Variants in RPS6KA6 observed in about 807,000 individuals in gnomAD.
The protein encoded by RPS6KA6 is ribosomal protein S6 kinase alpha-6.
In RPS6KA6, 27 loss-of-function variants were observed where a neutral mutation model predicts 65.4. The ratio of observed to expected loss-of-function variants is 0.41; its 90% confidence interval spans 0.30 to 0.57. The LOEUF (loss-of-function observed/expected upper bound fraction) is 0.57. Ranked by LOEUF, RPS6KA6 falls within the 20% of genes least tolerant of loss-of-function variation. RPS6KA6 has a pLI of 0.24. For missense variants in RPS6KA6, 486 were observed against 555.6 expected (o/e 0.87, Z 1.26); for synonymous variants, 190 against 184.2 (o/e 1.03, Z -0.26).
At chrX:84,088,350 T>C (rs930546003) in intron 20 of RPS6KA6, among the ~76,000 whole-genome samples, 39 of 112,427 alleles carry the variant, frequency 3.5e-4, no homozygotes, top group African/African-American at 1.2e-3. Flanking sequence ...TGTTTGTTGT[T>C]CTTTTAAAAG....
chrX:84,114,479 C>T (rs925396816), intron 12 of RPS6KA6, among the ~76,000 whole-genome samples: 19 of 110,403 alleles, frequency 1.7e-4, no homozygotes, highest in Admixed American at 4.8e-4. Flanking sequence ...CAGAGAGAGA[C>T]GCTGTCAAAA....
At chrX:84,109,044 T>C (rs2034418552) in intron 12 of RPS6KA6, among the ~76,000 whole-genome samples, 1 of 111,216 alleles carries the variant, frequency 9.0e-6, no homozygotes, top group African/African-American at 3.3e-5. Flanking sequence ...CCTCAATAGC[T>C]GCGCCCAACA....
chrX:84,135,367 C>G (rs771825746), intron 6 of RPS6KA6, among the ~76,000 whole-genome samples, 157 bp from the exon 7 acceptor site: 1 of 111,149 alleles, frequency 9.0e-6, no homozygotes, highest in Non-Finnish European at 1.9e-5. Flanking sequence ...ATTGGCAATA[C>G]CAGAGAAATA....
chrX:84,094,505 C>T (rs1301642269), intron 20 of RPS6KA6, among the ~76,000 whole-genome samples: 3 of 108,213 alleles, frequency 2.8e-5, no homozygotes, highest in African/African-American at 1.0e-4. Flanking sequence ...ATTAGCCAGG[C>T]GTGGTGGCGG....
chrX:84,128,918 C>G (rs1014597292), intron 8 of RPS6KA6, among the ~76,000 whole-genome samples: 1 of 111,765 alleles, frequency 8.9e-6, no homozygotes, highest in African/African-American at 3.3e-5. Flanking sequence ...ATAAACTTGC[C>G]AGCATATTGG....
chrX:84,183,893 T>C (rs776124487), intron 1 of RPS6KA6, among the ~76,000 whole-genome samples: 79 of 108,084 alleles, frequency 7.3e-4, no homozygotes, highest in Non-Finnish European at 1.4e-3. Context: ...CCTGTCTTAC[T>C]ACCTGAATGT....
At position 84,113,287 on chromosome X, in the gene RPS6KA6, T is replaced by A. The variant is rs1481818363; in HGVS notation, c.1008+2942A>T. Among the ~76,000 whole-genome samples the A allele has an allele frequency of 2.7e-5, 3 of 109,870 alleles. No individual in the cohort carries two copies. In the Admixed American group the frequency reaches 2.9e-4, roughly 11 times the overall value. ...AAAACTGTTCCCAAAAATTGAGGAGTTGGGAATCCTTCCTAATTAATTCTA... is the reference window on the plus strand; with the variant it reads ...AAAACTGTTCCCAAAAATTGAGGAGATGGGAATCCTTCCTAATTAATTCTA... On this transcript the variant is annotated intron_variant, in intron 12 of 21. Transcript: ENST00000262752.
chrX:84,179,136 G>A (rs954601157), intron 1 of RPS6KA6, among the ~76,000 whole-genome samples: 1 of 111,137 alleles, frequency 9.0e-6, no homozygotes, highest in African/African-American at 3.3e-5. Context: ...GAATATATAC[G>A]GATGGCAAAT....
At chrX:84,108,549 C>A (rs1221269686) in intron 12 of RPS6KA6, among the ~76,000 whole-genome samples, 2 of 111,535 alleles carry the variant, frequency 1.8e-5, no homozygotes, top group African/African-American at 6.5e-5. Context: ...TGGTGTGGAG[C>A]CAGGAGATCT....
intron 20 of RPS6KA6, among the ~76,000 whole-genome samples, chrX:84,081,977 A>G (rs2033810142): frequency 8.9e-6 from 1 of 112,283 alleles, no homozygotes; most frequent in South Asian, 3.7e-4. Context: ...TGAGGAACCC[A>G]TAGCCAATAT....
At chrX:84,187,367 G>A (rs2035940269) in intron 1 of RPS6KA6, 1 of 117,685 alleles carries the variant, frequency 8.5e-6, no homozygotes, top group African/African-American at 3.2e-5. Context: ...TAGTCACCTT[G>A]GTGTGTTTGT....
intron 20 of RPS6KA6, among the ~76,000 whole-genome samples, chrX:84,088,170 T>C (rs930602824): frequency 9.0e-6 from 1 of 111,180 alleles, no homozygotes; most frequent in Non-Finnish European, 1.9e-5. Flanking sequence ...AATTCAGCCA[T>C]CTCAGTCATT....
At chrX:84,080,281 G>T (rs902443696) in intron 20 of RPS6KA6, among the ~76,000 whole-genome samples, 1 of 99,130 alleles carries the variant, frequency 1.0e-5, no homozygotes, top group Admixed American at 1.1e-4. Flanking sequence ...CAGCAGAGGG[G>T]CCTGAGTGTT....
chrX:84,102,801 C>T (rs990702599), intron 17 of RPS6KA6, among the ~76,000 whole-genome samples: 5 of 110,430 alleles, frequency 4.5e-5, no homozygotes, highest in East Asian at 2.8e-4. Flanking sequence ...CTATGGTACA[C>T]AGTGGTGGTA....
intron 20 of RPS6KA6, among the ~76,000 whole-genome samples, chrX:84,078,836 A>G (rs1386931102): frequency 4.5e-5 from 5 of 111,066 alleles, no homozygotes; most frequent in Non-Finnish European, 9.4e-5. Context: ...AGCATGAGGA[A>G]ATGTTTAGTG....
intron 20 of RPS6KA6, among the ~76,000 whole-genome samples, chrX:84,095,610 T>C (rs1464955469): frequency 1.2e-5 from 1 of 86,165 alleles, no homozygotes; most frequent in Non-Finnish European, 2.6e-5. Flanking sequence ...ATTTTTATAT[T>C]GAATAGTATT....
intron 3 of RPS6KA6, among the ~76,000 whole-genome samples, chrX:84,153,188 A>G (rs1197512193): frequency 8.9e-6 from 1 of 111,878 alleles, no homozygotes; most frequent in Non-Finnish European, 1.9e-5. Flanking sequence ...TAAGAGTACA[A>G]GTATTCGATA....
At chrX:84,116,205 T>C (rs753574095) in intron 12 of RPS6KA6, 24 bp downstream of exon 12, 2 of 1,007,845 alleles carry the variant, frequency 2.0e-6, no homozygotes, top group South Asian at 4.3e-5. Flanking sequence ...AGTTATTCAA[T>C]AACAAGCTTT....
At position 84,063,027 on chromosome X, in the gene RPS6KA6, A is replaced by C. The variant is rs889333874; in HGVS notation, c.*1250T>G. 1.6e-4 allele frequency: 18 copies of C among 110,996 alleles called. No individual in the cohort carries two copies. The East Asian group carries it at 5.1e-3, about 31-fold the overall frequency. 9.1% of individuals were successfully genotyped at this position (110,996 alleles called of 1,213,427 possible). ...ACGTGAAATGATTCTTTAGCATTTCATCATTTAGAGAAAAGAATACATACT... is the reference window on the plus strand; with the variant it reads ...ACGTGAAATGATTCTTTAGCATTTCCTCATTTAGAGAAAAGAATACATACT... On this transcript the variant is annotated 3_prime_UTR_variant, in exon 22 of 22. Transcript: ENST00000262752.
Sources: gnomAD v4.1 joint callset for allele counts (sites outside exome capture counted in the v4.1 genomes callset) on GRCh38, gnomAD v4.1.1 for gene constraint, MANE v1.5 for transcripts, NCBI Gene and HGNC (gene_info 2026-07-23, HGNC 2026-07-21) for gene names.